HECW1: variants seen among roughly 807,000 people sequenced by gnomAD.
HECW1 encodes the protein HECT, C2 and WW domain containing E3 ubiquitin protein ligase 1, also known as E3 ubiquitin-protein ligase HECW1.
In HECW1, 61 loss-of-function variants were observed where a neutral mutation model predicts 182.3. That is an observed-to-expected ratio of 0.33 (90% CI 0.27 to 0.41). The LOEUF is 0.41. HECW1 is among the 10% of genes least tolerant of loss of function. The pLI, the probability that HECW1 is intolerant of heterozygous loss-of-function variation, is 1.00. For missense variants in HECW1, 1,739 were observed against 2,108.9 expected (o/e 0.82, Z 3.44); for synonymous variants, 859 against 832.6 (o/e 1.03, Z -0.55).
intron 3 of HECW1, among the ~76,000 whole-genome samples, chr7:43,275,705 C>T (rs546097731): frequency 5.4e-5 from 8 of 149,266 alleles, no homozygotes; most frequent in South Asian, 4.2e-4. Flanking sequence ...TTCTTATGCG[C>T]ACGCACACAC....
intron 12 of HECW1, among the ~76,000 whole-genome samples, chr7:43,455,026 C>T (rs981560776): frequency 6.6e-6 from 1 of 152,236 alleles, no homozygotes; most frequent in African/African-American, 2.4e-5. Flanking sequence ...TTCGCTCAGA[C>T]GTGAACACAT....
chr7:43,136,706 A>G (rs1787574601), intron 2 of HECW1, among the ~76,000 whole-genome samples: 1 of 152,182 alleles, frequency 6.6e-6, no homozygotes, highest in African/African-American at 2.4e-5. Flanking sequence ...ACAGTTTTGC[A>G]ATCCAACCCA....
At chr7:43,159,232 G>A (rs1480995878) in intron 2 of HECW1, among the ~76,000 whole-genome samples, 1 of 149,730 alleles carries the variant, frequency 6.7e-6, no homozygotes, top group Non-Finnish European at 1.5e-5. Flanking sequence ...TGTGCACAAT[G>A]TGCAGGTTTG....
At chr7:43,184,152 T>G (rs551476045) in intron 2 of HECW1, among the ~76,000 whole-genome samples, 2 of 152,180 alleles carry the variant, frequency 1.3e-5, no homozygotes, top group South Asian at 4.1e-4. Context: ...TAGCTGGGAC[T>G]ACAGGTGCCC....
intron 2 of HECW1, among the ~76,000 whole-genome samples, chr7:43,123,969 T>C (rs1785911187): frequency 6.6e-6 from 1 of 152,240 alleles, no homozygotes; most frequent in East Asian, 1.9e-4. Context: ...TGAGAGATTA[T>C]GGCAAGAGAG....
At chr7:43,507,305 A>G in intron 22 of HECW1, 48 bp downstream of exon 22, 1 of 1,590,160 alleles carries the variant, frequency 6.3e-7, no homozygotes, top group Non-Finnish European at 8.6e-7. Flanking sequence ...AGATTTTTCA[A>G]TCCCTTTCTC....
chr7:43,244,859 C>G (rs1799225009), intron 3 of HECW1, among the ~76,000 whole-genome samples: 1 of 152,232 alleles, frequency 6.6e-6, no homozygotes, highest in Admixed American at 6.5e-5. Context: ...GCATATTCAG[C>G]TAATCCTTGA....
At chr7:43,403,982 C>T (rs772316345) in intron 7 of HECW1, among the ~76,000 whole-genome samples, 5 of 152,100 alleles carry the variant, frequency 3.3e-5, no homozygotes, top group Non-Finnish European at 4.4e-5. Context: ...TCTCCTTTAA[C>T]GTAGCATTTA....
At position 43,458,745 on chromosome 7, in the gene HECW1, T is replaced by C. The variant is rs560105679; in HGVS notation, c.2651+2298T>C. Among the ~76,000 whole-genome samples, 2 of 152,316 alleles carry C rather than the reference T, an allele frequency of 1.3e-5. 1 individual carries two copies. The highest frequency in any genetic ancestry group is 3.9e-4 in the East Asian group (2 of 5,188). On this transcript the variant is annotated intron_variant, in intron 13 of 29. Coordinates refer to ENST00000395891, the MANE Select transcript of HECW1 (RefSeq NM_015052.5). ...AGCCCAAGAAAGTACATTTCCAGTC[T>C]TCTATCCATCTCACATGCGACCACA...
intron 2 of HECW1, among the ~76,000 whole-genome samples, chr7:43,200,508 C>T (rs1794931606): frequency 6.6e-6 from 1 of 152,228 alleles, no homozygotes. Context: ...CCCTACCTTC[C>T]AATCTTTTAG....
At chr7:43,136,258 T>C (rs1787525889) in intron 2 of HECW1, among the ~76,000 whole-genome samples, 1 of 152,228 alleles carries the variant, frequency 6.6e-6, no homozygotes, top group South Asian at 2.1e-4. Context: ...GGCACTTATC[T>C]ATTGAGGCAT....
At chr7:43,378,692 G>C (rs542348246) in intron 6 of HECW1, among the ~76,000 whole-genome samples, 1 of 152,110 alleles carries the variant, frequency 6.6e-6, no homozygotes, top group South Asian at 2.1e-4. Flanking sequence ...TGTAATCCCA[G>C]CTACTCAGGA....
rs2082255111 is a variant in HECW1, at chr7:43,563,177, A to G, written c.*1251A>G. 2 of 203,418 alleles carry G rather than the reference A, an allele frequency of 9.8e-6. No homozygotes were observed. Among genetic ancestry groups the G allele is most frequent in the East Asian group, 1.5e-4 (2 of 13,196 alleles). The allele number at this position is 203,418 out of a possible 1,614,324, so 12.6% of individuals were successfully genotyped here. A position where few individuals can be genotyped will look rare whatever the true frequency, so the allele number is the denominator to read the frequency against. ...AATCCTCCTGGGGCAGAAACATAAC[A>G]CCCCAAAGGCACGTTGATTTGTATC... is the stretch of plus-strand genomic sequence containing the variant. On this transcript the variant is annotated 3_prime_UTR_variant, in exon 30 of 30. Transcript: ENST00000395891.
chr7:43,372,509 C>A (rs1314050794), intron 6 of HECW1, among the ~76,000 whole-genome samples: 1 of 152,006 alleles, frequency 6.6e-6, no homozygotes, highest in Non-Finnish European at 1.5e-5. Flanking sequence ...CTAATGCTAT[C>A]CCTCCCCGCT....
chr7:43,525,455 G>T (rs1425649301), intron 24 of HECW1, among the ~76,000 whole-genome samples: 3 of 152,092 alleles, frequency 2.0e-5, no homozygotes, highest in Non-Finnish European at 4.4e-5. Context: ...TGAGAGGAGG[G>T]ATACATTCAG....
chr7:43,416,725 C>A (rs2076014195), intron 8 of HECW1, among the ~76,000 whole-genome samples: 1 of 146,222 alleles, frequency 6.8e-6, no homozygotes, highest in Admixed American at 6.8e-5. Flanking sequence ...GGGATATAGT[C>A]TCGTGGTGCG....
chr7:43,266,467 TG>T (rs754878170), intron 3 of HECW1, among the ~76,000 whole-genome samples: 2 of 152,176 alleles, frequency 1.3e-5, no homozygotes, highest in Non-Finnish European at 2.9e-5. Context: ...CCTGAGTAGC[TG>T]GGCTTACAGG....
intron 2 of HECW1, among the ~76,000 whole-genome samples, chr7:43,203,978 CTT>C (rs1366522857): frequency 6.6e-6 from 1 of 152,112 alleles, no homozygotes; most frequent in Non-Finnish European, 1.5e-5. Flanking sequence ...TAAATGGACT[CTT>C]TTTGTCTTAC....
intron 24 of HECW1, among the ~76,000 whole-genome samples, chr7:43,527,700 A>G (rs2080813805): frequency 6.6e-6 from 1 of 152,182 alleles, no homozygotes. Context: ...ACCTCCCATC[A>G]TGGAAACCAC....
Sources: allele counts gnomAD v4.1 joint callset (sites outside exome capture counted in the v4.1 genomes callset), GRCh38; gene constraint gnomAD v4.1.1; transcripts MANE v1.5; gene names NCBI Gene and HGNC (gene_info 2026-07-23, HGNC 2026-07-21).